CDH12: variants seen among roughly 807,000 people sequenced by gnomAD.
CDH12 encodes the protein cadherin 12, also known as cadherin-12.
Under a neutral mutation model 74.1 loss-of-function variants are expected in CDH12, and 41 were observed. The observed-to-expected ratio is 0.55, with a 90% CI of 0.43 to 0.72. The LOEUF (loss-of-function observed/expected upper bound fraction) is 0.72, where lower values mean the gene tolerates loss of function less well. Ranked by LOEUF, CDH12 falls within the 30% of genes least tolerant of loss-of-function variation. The pLI, the probability that CDH12 is intolerant of heterozygous loss-of-function variation, is 0.00. For synonymous variants in CDH12, 399 were observed against 355.0 expected, an observed-to-expected ratio of 1.12 and a Z score of -1.39; for missense variants, 945 against 977.2, an observed-to-expected ratio of 0.97 and a Z score of 0.44.
At chr5:22,702,387 T>C (rs558409495) in intron 1 of CDH12, among the ~76,000 whole-genome samples, 1 of 152,222 alleles carries the variant, frequency 6.6e-6, no homozygotes, top group African/African-American at 2.4e-5. Context: ...ACCAATCAGA[T>C]TGTAATCCCT....
intron 10 of CDH12, among the ~76,000 whole-genome samples, chr5:21,788,489 A>G (rs1015145113): frequency 6.6e-6 from 1 of 152,152 alleles, no homozygotes; most frequent in Non-Finnish European, 1.5e-5. Flanking sequence ...GATCTTATAC[A>G]TTATAGTTAA....
chr5:22,161,770 C>T (rs560172986), intron 4 of CDH12, among the ~76,000 whole-genome samples: 4 of 152,172 alleles, frequency 2.6e-5, no homozygotes, highest in African/African-American at 9.6e-5. Context: ...AAAATCCAAA[C>T]ACCTCAAATG....
chr5:22,758,440 C>T (rs1199577416), intron 1 of CDH12, among the ~76,000 whole-genome samples: 1 of 151,892 alleles, frequency 6.6e-6, no homozygotes, highest in African/African-American at 2.4e-5. Context: ...AGCAAACAAA[C>T]AAAAATCATT....
intron 3 of CDH12, among the ~76,000 whole-genome samples, chr5:22,337,964 G>C (rs941953773): frequency 1.3e-5 from 2 of 152,192 alleles, no homozygotes; most frequent in Admixed American, 6.5e-5. Flanking sequence ...TTTGTACACT[G>C]TTGGTGGGAA....
At chr5:21,862,200 A>G (rs1355130328) in intron 6 of CDH12, among the ~76,000 whole-genome samples, 1 of 152,064 alleles carries the variant, frequency 6.6e-6, no homozygotes, top group Non-Finnish European at 1.5e-5. Flanking sequence ...TGGGTTCTGA[A>G]GCCCAGACCA....
intron 6 of CDH12, among the ~76,000 whole-genome samples, chr5:21,866,160 C>A (rs2150013095): frequency 6.6e-6 from 1 of 152,300 alleles, no homozygotes; most frequent in African/African-American, 2.4e-5. Context: ...CATTACATCT[C>A]TTTCTTTTGT....
chr5:22,278,681 C>A (rs1444689780), intron 3 of CDH12, among the ~76,000 whole-genome samples: 2 of 152,052 alleles, frequency 1.3e-5, no homozygotes, highest in South Asian at 2.1e-4. Flanking sequence ...TCTCTAAATT[C>A]TTTCTAGCTT....
At chr5:22,381,169 T>C (rs1396455896) in intron 3 of CDH12, among the ~76,000 whole-genome samples, 1 of 152,046 alleles carries the variant, frequency 6.6e-6, no homozygotes, top group Admixed American at 6.6e-5. Context: ...ATGTCATTTT[T>C]ATATATGCTC....
At chr5:22,064,019 ACAAAC>A (rs1741384850) in intron 5 of CDH12, among the ~76,000 whole-genome samples, 14 of 148,412 alleles carry the variant, frequency 9.4e-5, no homozygotes, top group Non-Finnish European at 2.1e-4. Context: ...ACACACACAC[ACAAAC>A]ACACACACAC....
At chr5:22,077,726 C>G (rs1318245007) in intron 5 of CDH12, among the ~76,000 whole-genome samples, 1 of 151,876 alleles carries the variant, frequency 6.6e-6, no homozygotes, top group Non-Finnish European at 1.5e-5. Context: ...TAAAACATAA[C>G]TGTCCTGAAA....
chr5:22,442,873 A>G (rs1258304126), intron 2 of CDH12, among the ~76,000 whole-genome samples: 1 of 152,192 alleles, frequency 6.6e-6, no homozygotes, highest in Admixed American at 6.5e-5. Context: ...ACATCATTGA[A>G]TAATCAGTCT....
At chr5:22,776,076 C>T (rs1459608813) in intron 1 of CDH12, among the ~76,000 whole-genome samples, 3 of 152,064 alleles carry the variant, frequency 2.0e-5, no homozygotes, top group Non-Finnish European at 4.4e-5. Context: ...ATCTCTTTTG[C>T]TTTCCAGTCT....
chr5:22,226,910 T>C (rs1470206398), intron 3 of CDH12, among the ~76,000 whole-genome samples: 2 of 151,930 alleles, frequency 1.3e-5, no homozygotes, highest in Non-Finnish European at 2.9e-5. Flanking sequence ...CACTTTTTGT[T>C]ATATGTTGCC....
intron 1 of CDH12, among the ~76,000 whole-genome samples, chr5:22,603,716 G>A (rs1272898639): frequency 4.6e-5 from 7 of 152,242 alleles, no homozygotes; most frequent in African/African-American, 1.2e-4. Context: ...TGTGGTTTAC[G>A]ACAGGACTTC....
intron 4 of CDH12, among the ~76,000 whole-genome samples, chr5:22,191,195 A>G (rs1332449486): frequency 6.6e-6 from 1 of 152,002 alleles, no homozygotes; most frequent in Non-Finnish European, 1.5e-5. Flanking sequence ...CTCTTCATCT[A>G]GTAAACTGCA....
At chr5:22,528,142 T>C (rs1737373153) in intron 1 of CDH12, among the ~76,000 whole-genome samples, 1 of 152,194 alleles carries the variant, frequency 6.6e-6, no homozygotes, top group Admixed American at 6.6e-5. Context: ...CAAAGAAGGA[T>C]GGTCATAGCC....
intron 1 of CDH12, among the ~76,000 whole-genome samples, chr5:22,687,317 A>G (rs552386464): frequency 6.6e-6 from 1 of 152,298 alleles, no homozygotes; most frequent in South Asian, 2.1e-4. Flanking sequence ...AAATAAAAAA[A>G]TGAAAAATGA....
At chr5:22,836,008 T>C (rs1324989995) in intron 1 of CDH12, among the ~76,000 whole-genome samples, 2 of 152,158 alleles carry the variant, frequency 1.3e-5, no homozygotes, top group African/African-American at 4.8e-5. Flanking sequence ...GCAGCTGAGC[T>C]ATTGTTCAAC....
rs561300323 is a variant in CDH12 at position 22,162,573 on chromosome 5, C to T, written c.-187+49925G>A. On this transcript the variant is annotated intron_variant, in intron 4 of 14. Transcript: ENST00000382254. ...AGGCGTAAACCAGACACAGGTCAGA[C>T]AAGAATCACATGTGGCTTGCCAGTG... Among the ~76,000 whole-genome samples, 4 of 152,242 alleles carry T rather than the reference C, an allele frequency of 2.6e-5. No homozygotes were observed. The South Asian group carries it at 6.2e-4, about 24-fold the overall frequency.
Sources: gnomAD v4.1 joint callset for allele counts (sites outside exome capture counted in the v4.1 genomes callset) on GRCh38, gnomAD v4.1.1 for gene constraint, MANE v1.5 for transcripts, NCBI Gene and HGNC (gene_info 2026-07-23, HGNC 2026-07-21) for gene names.